Variants in FBXO28 observed in about 807,000 individuals in gnomAD.
FBXO28 encodes F-box protein 28, also known as F-box only protein 28.
In FBXO28, 8 loss-of-function variants were observed where a neutral mutation model predicts 38.1. That is an observed-to-expected ratio of 0.21 (90% CI 0.12 to 0.38). The LOEUF is 0.38. Among genes scored for constraint, FBXO28 ranks in the 10% least tolerant of loss-of-function variants. The probability of loss-of-function intolerance (pLI) is 1.00; values close to 1 mark genes in which losing one functional copy is unlikely to be tolerated. For missense variants in FBXO28, 345 were observed against 460.6 expected, an observed-to-expected ratio of 0.75 and a Z score of 2.30; for synonymous variants, 168 against 173.8, an observed-to-expected ratio of 0.97 and a Z score of 0.26.
chr1:224,139,805 TTG>T (rs1657301547), intron 3 of FBXO28, among the ~76,000 whole-genome samples: 2 of 96,126 alleles, frequency 2.1e-5, no homozygotes, highest in South Asian at 6.3e-4. Context: ...TACATACATT[TTG>T]GCCAGGCGTG....
chr1:224,125,953 T>C (rs1324437364), intron 1 of FBXO28, among the ~76,000 whole-genome samples: 1 of 152,224 alleles, frequency 6.6e-6, no homozygotes, highest in African/African-American at 2.4e-5. Flanking sequence ...TAAAGTTATT[T>C]ATCTGATTTC....
Position 224,134,175 on chromosome 1 carries a change from A to T in FBXO28, c.479A>T (p.Tyr160Phe), listed in dbSNP as rs1369846901. Residue 160 changes from tyrosine (Y) to phenylalanine (F), a missense_variant, in exon 3 of 5, where the codon TAT becomes TTT. Around this residue, in one of 6 missense-constraint regions of FBXO28, gnomAD observed 3 missense variants for 34.7 expected, o/e 0.09. Coordinates refer to ENST00000366862, the MANE Select transcript of FBXO28 (RefSeq NM_015176.4). ...LSLLNMTFMK[Y>F]VDSNLCCFIP... ...CTATTAAATATGACTTTCATGAAAT[A>T]TGTGGATTCCAATCTCTGTTGCTTC... 6.2e-7 allele frequency: 1 copy of T among 1,612,114 alleles called. No homozygotes were observed. Among genetic ancestry groups the T allele is most frequent in the Admixed American group, 1.7e-5 (1 of 59,662 alleles).
At chr1:224,139,161 A>C (rs1464370847) in intron 3 of FBXO28, among the ~76,000 whole-genome samples, 2 of 151,790 alleles carry the variant, frequency 1.3e-5, no homozygotes, top group Non-Finnish European at 2.9e-5. Context: ...CCCAAAAATT[A>C]GGGTTTTTAC....
rs1312267666 is a variant in FBXO28 at position 224,158,425 on chromosome 1, GC to G, written c.*681del. The G allele has an allele frequency of 6.1e-6, 1 of 163,090 alleles. No homozygotes were observed. The highest frequency in any genetic ancestry group is 1.9e-4 in the East Asian group (1 of 5,236). The allele number at this position is 163,090 out of a possible 1,614,324, so 10.1% of individuals were successfully genotyped here. ...ATTTGCATGGATGGATGCATGCATT[GC>G]CTAGTCAACTCACTTAAAAAGCTCT... On this transcript the variant is annotated 3_prime_UTR_variant, in exon 5 of 5. Transcript: ENST00000366862.
At chr1:224,157,001 CA>C (rs60316057) in intron 4 of FBXO28, among the ~76,000 whole-genome samples, 26 of 137,180 alleles carry the variant, frequency 1.9e-4, no homozygotes, top group African/African-American at 6.5e-4. Flanking sequence ...GACTCTGTCT[CA>C]AAAAAAAAAA....
At chr1:224,154,636 G>A (rs769129862) in intron 4 of FBXO28, among the ~76,000 whole-genome samples, 2 of 150,556 alleles carry the variant, frequency 1.3e-5, no homozygotes, top group East Asian at 2.0e-4. Context: ...GTGAAACCCC[G>A]TCTCTACTAA....
intron 4 of FBXO28, 36 bp downstream of exon 4, chr1:224,153,373 T>C: frequency 1.4e-6 from 2 of 1,478,834 alleles, no homozygotes; most frequent in Non-Finnish European, 1.8e-6. Context: ...GTACATAATT[T>C]TGTAACTTGC....
intron 3 of FBXO28, among the ~76,000 whole-genome samples, chr1:224,134,661 C>T (rs1198794428): frequency 5.3e-5 from 8 of 152,130 alleles, no homozygotes; most frequent in Non-Finnish European, 1.2e-4. Flanking sequence ...TAAACAATTG[C>T]TATTTACCAA....
chr1:224,153,605 C>T (rs1657697099), intron 4 of FBXO28, among the ~76,000 whole-genome samples: 1 of 152,144 alleles, frequency 6.6e-6, no homozygotes, highest in Admixed American at 6.6e-5. Context: ...TATTGACTTA[C>T]AATAAACTTA....
At chr1:224,135,168 T>C (rs1369623692) in intron 3 of FBXO28, among the ~76,000 whole-genome samples, 1 of 152,222 alleles carries the variant, frequency 6.6e-6, no homozygotes, top group Non-Finnish European at 1.5e-5. Flanking sequence ...ATGCTTTTTG[T>C]AGGGTGCTAT....
At chr1:224,150,495 A>G (rs1657617862) in intron 3 of FBXO28, among the ~76,000 whole-genome samples, 1 of 152,162 alleles carries the variant, frequency 6.6e-6, no homozygotes, top group African/African-American at 2.4e-5. Context: ...TTTTAATTTT[A>G]TTAACTATTT....
intron 3 of FBXO28, among the ~76,000 whole-genome samples, chr1:224,145,780 G>C (rs780348059): frequency 3.3e-5 from 5 of 151,918 alleles, no homozygotes; most frequent in African/African-American, 1.2e-4. Context: ...AAAATTATCC[G>C]GGCATGGGCC....
At chr1:224,124,511 A>G (rs1164556365) in intron 1 of FBXO28, among the ~76,000 whole-genome samples, 1 of 152,222 alleles carries the variant, frequency 6.6e-6, no homozygotes, top group Non-Finnish European at 1.5e-5. Context: ...TGTAGTTACT[A>G]GGGAAATAAA....
intron 1 of FBXO28, among the ~76,000 whole-genome samples, chr1:224,126,967 G>A (rs1656917728): frequency 6.6e-6 from 1 of 152,058 alleles, no homozygotes; most frequent in Non-Finnish European, 1.5e-5. Flanking sequence ...AATAAGTTGA[G>A]AAGTTAGCCC....
intron 3 of FBXO28, among the ~76,000 whole-genome samples, chr1:224,137,007 C>T (rs1657207209): frequency 6.6e-6 from 1 of 151,502 alleles, no homozygotes. Flanking sequence ...CTGCCTTGGC[C>T]TCCCAAAGTG....
intron 2 of FBXO28, among the ~76,000 whole-genome samples, chr1:224,132,088 A>T (rs1220530481): frequency 4.6e-5 from 7 of 152,124 alleles, no homozygotes; most frequent in Non-Finnish European, 1.0e-4. Context: ...CCCTGTCTCT[A>T]CTAAAAATAC....
intron 1 of FBXO28, among the ~76,000 whole-genome samples, chr1:224,123,309 C>T (rs977415550): frequency 1.3e-4 from 19 of 151,362 alleles, no homozygotes; most frequent in Admixed American, 2.0e-4. Context: ...TTTGGGAGAC[C>T]GAGGTGGGTG....
rs889708697 is a variant in FBXO28 at position 224,128,196 on chromosome 1, A to G, written c.268-2276A>G. Among the ~76,000 whole-genome samples, 8 of 151,118 alleles carry G rather than the reference A, an allele frequency of 5.3e-5. No individual in the cohort carries two copies. In the East Asian group the frequency reaches 1.6e-3, roughly 29 times the overall value. On this transcript the variant is annotated intron_variant, in intron 1 of 4. Transcript: ENST00000366862. Reference sequence around the variant, plus strand: ...TTGGGTGCTATGAGAGATGGAAAGAAGCATAAGACAGATCCTAACTGTCCA... The same window carrying G: ...TTGGGTGCTATGAGAGATGGAAAGAGGCATAAGACAGATCCTAACTGTCCA...
chr1:224,148,938 C>T (rs1657576023), intron 3 of FBXO28, among the ~76,000 whole-genome samples: 1 of 152,170 alleles, frequency 6.6e-6, no homozygotes, highest in Middle Eastern at 3.2e-3. Context: ...CAGCACTTTG[C>T]TTATACATTG....
Sources: allele counts gnomAD v4.1 joint callset (sites outside exome capture counted in the v4.1 genomes callset), GRCh38; gene constraint gnomAD v4.1.1; regional missense constraint gnomAD v4.1.1; transcripts MANE v1.5; gene names NCBI Gene and HGNC (gene_info 2026-07-23, HGNC 2026-07-21).